Variants in NTM observed in about 807,000 individuals in gnomAD.
The protein encoded by NTM is IgLON family member 2.
NTM carries 13 observed loss-of-function variants against 42.1 expected under a neutral mutation model. The ratio of observed to expected loss-of-function variants is 0.31; its 90% CI spans 0.20 to 0.49. The LOEUF (loss-of-function observed/expected upper bound fraction) is 0.49. Ranked by LOEUF, NTM falls within the 20% of genes least tolerant of loss-of-function variation. The probability of loss-of-function intolerance (pLI) is 0.99; values close to 1 mark genes in which losing one functional copy is unlikely to be tolerated. For synonymous variants in NTM, 187 were observed against 179.2 expected (o/e 1.04, Z -0.35); for missense variants, 373 against 452.8 (o/e 0.82, Z 1.60).
chr11:132,167,732 A>C (rs1435078660), intron 3 of NTM, among the ~76,000 whole-genome samples: 1 of 152,226 alleles, frequency 6.6e-6, no homozygotes, highest in Non-Finnish European at 1.5e-5. Context: ...TTCCAATGAC[A>C]GGAAACACAA....
At chr11:131,991,906 A>G (rs2067091974) in intron 2 of NTM, among the ~76,000 whole-genome samples, 1 of 152,164 alleles carries the variant, frequency 6.6e-6, no homozygotes, top group Non-Finnish European at 1.5e-5. Flanking sequence ...TGGACAGGTA[A>G]AGACAGAAGT....
chr11:132,225,843 T>A (rs1186296179), intron 4 of NTM, among the ~76,000 whole-genome samples: 1 of 152,172 alleles, frequency 6.6e-6, no homozygotes, highest in African/African-American at 2.4e-5. Context: ...GTATTTCTTA[T>A]AATGGTATCC....
intron 2 of NTM, among the ~76,000 whole-genome samples, chr11:131,929,238 G>A (rs533218824): frequency 1.4e-3 from 217 of 152,266 alleles, no homozygotes; most frequent in Middle Eastern, 3.4e-3. Context: ...GATGAATGAG[G>A]GCGTGAGCCT....
At chr11:131,946,525 T>G (rs1466776383) in intron 2 of NTM, among the ~76,000 whole-genome samples, 1 of 152,248 alleles carries the variant, frequency 6.6e-6, no homozygotes, top group African/African-American at 2.4e-5. Context: ...TGCCTGTTGC[T>G]AAAAGCTAGA....
At chr11:131,531,160 A>G (rs991162058) in intron 1 of NTM, among the ~76,000 whole-genome samples, 2 of 152,226 alleles carry the variant, frequency 1.3e-5, no homozygotes, top group Non-Finnish European at 2.9e-5. Flanking sequence ...TCTTTTAGAC[A>G]GGATCTCACT....
intron 2 of NTM, among the ~76,000 whole-genome samples, chr11:131,927,054 G>T (rs2058044965): frequency 6.6e-6 from 1 of 152,174 alleles, no homozygotes; most frequent in Admixed American, 6.5e-5. Flanking sequence ...TGGACTCATA[G>T]AAATCAGAGA....
At chr11:131,642,167 C>T (rs1012026547) in intron 1 of NTM, among the ~76,000 whole-genome samples, 5 of 152,118 alleles carry the variant, frequency 3.3e-5, no homozygotes, top group Admixed American at 2.0e-4. Flanking sequence ...AGCAGTTGGT[C>T]AGGCTGGATA....
chr11:131,398,411 AATTTTTTCTT>A (rs1357013692), intron 1 of NTM, among the ~76,000 whole-genome samples: 1 of 152,060 alleles, frequency 6.6e-6, no homozygotes, highest in Non-Finnish European at 1.5e-5. Context: ...ATTTTTTTCT[AATTTTTTCTT>A]ATTCTCTGCC....
intron 1 of NTM, among the ~76,000 whole-genome samples, chr11:131,672,287 G>A (rs577838671): frequency 1.3e-5 from 2 of 152,358 alleles, no homozygotes; most frequent in African/African-American, 4.8e-5. Context: ...GGTTCAGGCA[G>A]GGATGCCAGC....
chr11:131,726,266 C>T (rs1022099212), intron 1 of NTM, among the ~76,000 whole-genome samples: 1 of 152,182 alleles, frequency 6.6e-6, no homozygotes, highest in Admixed American at 6.5e-5. Flanking sequence ...GTGGCAAGTT[C>T]TAGCCTCCCT....
intron 1 of NTM, among the ~76,000 whole-genome samples, chr11:131,465,817 C>T (rs1366527664): frequency 2.1e-5 from 3 of 140,120 alleles, no homozygotes; most frequent in African/African-American, 6.6e-5. Flanking sequence ...GGAATTATAC[C>T]TAGCTTCATA....
chr11:132,177,276 G>A (rs1317031552), intron 3 of NTM, among the ~76,000 whole-genome samples: 1 of 152,188 alleles, frequency 6.6e-6, no homozygotes, highest in Non-Finnish European at 1.5e-5. Flanking sequence ...AATCCTGTGG[G>A]AGACTATTTG....
chr11:132,094,939 C>G (rs897590526), intron 2 of NTM, among the ~76,000 whole-genome samples: 8 of 152,198 alleles, frequency 5.3e-5, no homozygotes, highest in African/African-American at 1.9e-4. Flanking sequence ...TCAGTCTCAG[C>G]AAGGAGACAA....
At chr11:132,035,151 G>C (rs2076360998) in intron 2 of NTM, among the ~76,000 whole-genome samples, 2 of 152,172 alleles carry the variant, frequency 1.3e-5, no homozygotes, top group East Asian at 1.9e-4. Context: ...TGATATTCAG[G>C]CTCTCCTAGA....
Position 131,542,804 on chromosome 11 carries a change from A to T in NTM, c.82+171916A>T, listed in dbSNP as rs532434565. 3.3e-5 allele frequency among the ~76,000 whole-genome samples: 5 copies of T among 152,280 alleles called. No individual in the cohort carries two copies. The East Asian group carries it at 9.7e-4, about 29-fold the overall frequency. On this transcript the variant is annotated intron_variant, in intron 1 of 8. Coordinates refer to ENST00000683400, the MANE Select transcript of NTM (RefSeq NM_001352005.2). ...GGAAGGAAGAAAGAGCCTCTGGGTGAGGAGGTGTGCAGCCTGGCTCTTTGT... is the reference window on the plus strand; with the variant it reads ...GGAAGGAAGAAAGAGCCTCTGGGTGTGGAGGTGTGCAGCCTGGCTCTTTGT...
intron 2 of NTM, among the ~76,000 whole-genome samples, chr11:131,959,314 C>A (rs868285227): frequency 1.3e-5 from 2 of 152,130 alleles, no homozygotes; most frequent in African/African-American, 4.8e-5. Context: ...TAAAGTTCTT[C>A]GCTGTATTAA....
At chr11:131,814,120 C>G (rs969164342) in intron 1 of NTM, among the ~76,000 whole-genome samples, 1 of 152,140 alleles carries the variant, frequency 6.6e-6, no homozygotes, top group East Asian at 1.9e-4. Context: ...CTTAATAGAG[C>G]GCTCCACTCT....
At chr11:131,882,894 G>A (rs1184274478) in intron 1 of NTM, among the ~76,000 whole-genome samples, 1 of 151,850 alleles carries the variant, frequency 6.6e-6, no homozygotes, top group African/African-American at 2.4e-5. Context: ...TTCTTTTCCT[G>A]AGAAAATAGG....
At chr11:131,765,744 A>G (rs1219196529) in intron 1 of NTM, among the ~76,000 whole-genome samples, 3 of 152,216 alleles carry the variant, frequency 2.0e-5, no homozygotes, top group Non-Finnish European at 4.4e-5. Flanking sequence ...CCTGCAGCAA[A>G]GCAGACACTC....
Sources: gnomAD v4.1 joint callset for allele counts (sites outside exome capture counted in the v4.1 genomes callset) on GRCh38, gnomAD v4.1.1 for gene constraint, MANE v1.5 for transcripts, NCBI Gene and HGNC (gene_info 2026-07-23, HGNC 2026-07-21) for gene names.